Variants in FANCB observed in about 807,000 individuals in gnomAD.
FANCB encodes the protein Fanconi anemia group B protein.
A neutral mutation model predicts 38.9 loss-of-function variants in FANCB; 5 were observed. The ratio of observed to expected loss-of-function variants is 0.13; its 90% CI spans 0.07 to 0.27. The LOEUF (loss-of-function observed/expected upper bound fraction) is 0.27. Among genes scored for constraint, FANCB ranks in the 10% least tolerant of loss-of-function variants. The pLI, the probability that FANCB is intolerant of heterozygous loss-of-function variation, is 1.00. For synonymous variants in FANCB, 236 were observed against 215.4 expected (o/e 1.10, Z -0.84); for missense variants, 573 against 602.7 (o/e 0.95, Z 0.52).
intron 6 of FANCB, 41 bp from the exon 7 acceptor site, chrX:14,850,715 C>A: frequency 1.2e-6 from 1 of 855,879 alleles, no homozygotes; most frequent in Non-Finnish European, 1.7e-6. Flanking sequence ...AAAATACGTA[C>A]CGTCTGTAGC....
At chrX:14,707,560 A>AC in the FANCB span, among the ~76,000 whole-genome samples, 7 of 61,902 alleles carry the variant, frequency 1.1e-4, no homozygotes, top group East Asian at 6.6e-4. Flanking sequence ...TTTTTAACCC[A>AC]CCCCCCACCC....
the FANCB span, among the ~76,000 whole-genome samples, chrX:14,800,394 T>C: frequency 0.15 from 16,294 of 110,145 alleles, 2,018 homozygotes; most frequent in African/African-American, 0.4. Flanking sequence ...ATCTACAAGC[T>C]AAGGAAAGCC....
At chrX:14,693,146 G>T in the FANCB span, among the ~76,000 whole-genome samples, 1 of 110,039 alleles carries the variant, frequency 9.1e-6, no homozygotes, top group African/African-American at 3.3e-5. Context: ...ATGCAGTAAA[G>T]AAAAATAGAA....
At chrX:14,744,049 T>G in the FANCB span, among the ~76,000 whole-genome samples, 1 of 112,007 alleles carries the variant, frequency 8.9e-6, no homozygotes, top group African/African-American at 3.2e-5. Context: ...TGAACATGAA[T>G]TTTGGGTACA....
chrX:14,773,412 G>T, the FANCB span, among the ~76,000 whole-genome samples: 1 of 111,734 alleles, frequency 8.9e-6, no homozygotes, highest in South Asian at 3.8e-4. Flanking sequence ...TATTACTATG[G>T]GAATCAGAAA....
At chrX:14,831,271 A>G (rs947322097), downstream of FANCB, among the ~76,000 whole-genome samples, 2 of 112,697 alleles carry the variant, frequency 1.8e-5, no homozygotes, top group African/African-American at 6.4e-5. Context: ...TCAAGACAGA[A>G]AATGGGCTCC....
the FANCB span, among the ~76,000 whole-genome samples, chrX:14,803,405 T>C: frequency 5.3e-5 from 6 of 112,686 alleles, no homozygotes; most frequent in Non-Finnish European, 1.1e-4. Flanking sequence ...AGGCATGTAC[T>C]GTGCTGGGGC....
rs745356946 is a variant in FANCB, at chrX:14,859,143, G to C, written c.1104+39C>G. ...TTTGAGCACTTAAATTTTCTAAAAT[G>C]GTTCTTAAAATACCATATAATAAGT... On this transcript the variant is annotated intron_variant, in intron 4 of 9. Coordinates refer to ENST00000650831, the MANE Select transcript of FANCB (RefSeq NM_001018113.3). 5.2e-5 allele frequency: 51 copies of C among 987,612 alleles called. No individual in the cohort carries two copies. The South Asian group carries it at 1.1e-3, about 21-fold the overall frequency. 81.4% of individuals were successfully genotyped at this position (987,612 alleles called of 1,213,427 possible).
the FANCB span, among the ~76,000 whole-genome samples, chrX:14,780,223 G>A: frequency 1.8e-5 from 2 of 111,048 alleles, no homozygotes; most frequent in Non-Finnish European, 3.8e-5. Flanking sequence ...TACTCGGTAT[G>A]TCAGAAAAAG....
the FANCB span, among the ~76,000 whole-genome samples, chrX:14,807,427 C>G: frequency 2.7e-5 from 3 of 112,423 alleles, no homozygotes; most frequent in African/African-American, 9.7e-5. Context: ...GAAGCTATAT[C>G]TCTGAAATTT....
chrX:14,741,314 G>A, the FANCB span, among the ~76,000 whole-genome samples: 7 of 111,485 alleles, frequency 6.3e-5, no homozygotes, highest in African/African-American at 2.3e-4. Flanking sequence ...ATATCCTTAA[G>A]GGTATGGGAC....
intron 10 of FANCB, among the ~76,000 whole-genome samples, chrX:14,837,111 T>G (rs1286916799): frequency 8.9e-6 from 1 of 112,481 alleles, no homozygotes; most frequent in African/African-American, 3.2e-5. Flanking sequence ...AGGTGAAATG[T>G]TTTCTATAGG....
chrX:14,835,532 G>C (rs1415879025), downstream of FANCB, among the ~76,000 whole-genome samples: 1 of 111,893 alleles, frequency 8.9e-6, no homozygotes, highest in Non-Finnish European at 1.9e-5. Context: ...AGATTACCAT[G>C]CCCAACTCTC....
At chrX:14,714,123 T>C in the FANCB span, among the ~76,000 whole-genome samples, 1 of 110,670 alleles carries the variant, frequency 9.0e-6, no homozygotes, top group Admixed American at 9.7e-5. Context: ...ACTGATTCTA[T>C]TTCCTGATAC....
chrX:14,690,789 C>T, the FANCB span: 55 of 1,197,991 alleles, frequency 4.6e-5, no homozygotes, highest in East Asian at 3.0e-4. Context: ...GAATACGCAG[C>T]GGTGAACTTC....
chrX:14,714,397 G>T, the FANCB span, among the ~76,000 whole-genome samples: 2 of 111,423 alleles, frequency 1.8e-5, no homozygotes, highest in Non-Finnish European at 3.8e-5. Flanking sequence ...TAATTATCTA[G>T]CCCCAAGTAT....
the FANCB span, chrX:14,690,691 G>GTCTC: frequency 4.0e-4 from 366 of 924,774 alleles, no homozygotes; most frequent in Non-Finnish European, 5.2e-4. Context: ...GTGTGTGTGT[G>GTCTC]TCTCTCTCTC....
the FANCB span, among the ~76,000 whole-genome samples, chrX:14,768,770 C>T: frequency 2.7e-5 from 3 of 111,079 alleles, no homozygotes; most frequent in East Asian, 8.4e-4. Context: ...CAGATTTTGC[C>T]CATTCAGTAT....
the FANCB span, among the ~76,000 whole-genome samples, chrX:14,737,105 C>G: frequency 2.8e-4 from 31 of 110,826 alleles, no homozygotes; most frequent in Non-Finnish European, 1.9e-4. Context: ...TTCAGTGAGC[C>G]GAGATCTTAC....
Sources: gnomAD v4.1 joint callset for allele counts (sites outside exome capture counted in the v4.1 genomes callset) on GRCh38, gnomAD v4.1.1 for gene constraint, MANE v1.5 for transcripts, NCBI Gene and HGNC (gene_info 2026-07-23, HGNC 2026-07-21) for gene names.